The following NCALD variants were observed in gnomAD, a reference collection of about 807,000 sequenced individuals.
NCALD encodes neurocalcin delta.
Under a neutral mutation model 18.6 loss-of-function variants are expected in NCALD, and 10 were observed. That is an observed-to-expected ratio of 0.54 (90% CI 0.33 to 0.91). The LOEUF (loss-of-function observed/expected upper bound fraction) is 0.91. Ranked by LOEUF, NCALD falls within the 40% of genes least tolerant of loss-of-function variation. The pLI is 0.03. For missense variants in NCALD, 184 were observed against 247.6 expected, an observed-to-expected ratio of 0.74 and a Z score of 1.72; for synonymous variants, 88 against 87.4, an observed-to-expected ratio of 1.01 and a Z score of -0.04.
chr8:101,940,706 C>T (rs369497974), intron 2 of NCALD, among the ~76,000 whole-genome samples: 2 of 152,182 alleles, frequency 1.3e-5, no homozygotes, highest in East Asian at 3.9e-4. Flanking sequence ...TAGGTTTGGA[C>T]AAAAGACACT....
At chr8:102,032,381 A>G (rs1476377002) in intron 1 of NCALD, among the ~76,000 whole-genome samples, 5 of 152,068 alleles carry the variant, frequency 3.3e-5, no homozygotes, top group Admixed American at 2.0e-4. Flanking sequence ...TGCATATGAT[A>G]CTCCATTGTA....
At chr8:102,057,949 TTTAAAGTCCAC>T (rs1823712449) in intron 1 of NCALD, among the ~76,000 whole-genome samples, 2 of 152,214 alleles carry the variant, frequency 1.3e-5, no homozygotes, top group Non-Finnish European at 2.9e-5. Flanking sequence ...TTACAGTCAA[TTTAAAGTCCAC>T]TATTGCTCAG....
Position 102,041,491 on chromosome 8 carries a change from G to C in NCALD, c.-209-21202C>G, listed in dbSNP as rs559260549. 1.7e-3 allele frequency among the ~76,000 whole-genome samples: 253 copies of C among 152,362 alleles called. 1 individual carries two copies. Among genetic ancestry groups the C allele is most frequent in the Non-Finnish European group, 1.9e-3 (128 of 68,036 alleles). ...ATCTAAGGTGAACCAGAGGAGCTGA[G>C]ATGACCTGCCTTTTAAAACTCTGTG... is the stretch of plus-strand genomic sequence containing the variant. On this transcript the variant is annotated intron_variant, in intron 1 of 6. Coordinates refer to the NCALD transcript ENST00000311028.
intron 3 of NCALD, among the ~76,000 whole-genome samples, chr8:101,910,231 GC>G (rs1288703518): frequency 6.6e-6 from 1 of 152,264 alleles, no homozygotes; most frequent in Non-Finnish European, 1.5e-5. Context: ...TGTTTTGCTG[GC>G]CCCATCTCTG....
intron 2 of NCALD, among the ~76,000 whole-genome samples, chr8:101,995,441 G>T (rs1586891025): frequency 6.6e-6 from 1 of 152,138 alleles, no homozygotes; most frequent in South Asian, 2.1e-4. Context: ...GGTTCTGCAG[G>T]CTGTATAGGA....
chr8:102,110,032 T>C (rs998486836), intron 1 of NCALD, among the ~76,000 whole-genome samples: 1 of 152,232 alleles, frequency 6.6e-6, no homozygotes, highest in African/African-American at 2.4e-5. Context: ...TTTTATTGCA[T>C]ATATAATATT....
At chr8:101,716,966 C>A (rs2130408625) in intron 2 of NCALD, among the ~76,000 whole-genome samples, 1 of 152,344 alleles carries the variant, frequency 6.6e-6, no homozygotes, top group African/African-American at 2.4e-5. Flanking sequence ...GGAAAGGATT[C>A]TCCCCAACAG....
intron 4 of NCALD, among the ~76,000 whole-genome samples, chr8:101,852,300 T>C (rs184489730): frequency 6.6e-6 from 1 of 152,188 alleles, no homozygotes; most frequent in African/African-American, 2.4e-5. Flanking sequence ...CACTTCCTTA[T>C]TCTCCTAACA....
At chr8:101,849,432 TTTATAAGATAAAAATTACA>T (rs1172261020) in intron 4 of NCALD, among the ~76,000 whole-genome samples, 2 of 152,196 alleles carry the variant, frequency 1.3e-5, no homozygotes, top group African/African-American at 4.8e-5. Context: ...ACCTTGGTTA[TTTATAAGATAAAAATTACA>T]TGTTGATTCA....
intron 4 of NCALD, among the ~76,000 whole-genome samples, chr8:101,844,392 G>A (rs1814780586): frequency 1.3e-5 from 2 of 150,976 alleles, no homozygotes; most frequent in African/African-American, 4.9e-5. Flanking sequence ...TGAGGGTCTG[G>A]CTCTTTGATA....
intron 1 of NCALD, among the ~76,000 whole-genome samples, chr8:102,079,376 G>A (rs1019701223): frequency 2.6e-5 from 4 of 152,236 alleles, no homozygotes; most frequent in Non-Finnish European, 4.4e-5. Flanking sequence ...TATTTTCCCC[G>A]TTTTCTAGGG....
At chr8:101,768,197 T>G (rs1166601845) in intron 1 of NCALD, among the ~76,000 whole-genome samples, 1 of 152,186 alleles carries the variant, frequency 6.6e-6, no homozygotes, top group African/African-American at 2.4e-5. Flanking sequence ...ACATGTTACA[T>G]TTGCAAGACT....
intron 1 of NCALD, among the ~76,000 whole-genome samples, chr8:101,731,616 TAA>T (rs1444924970): frequency 6.6e-6 from 1 of 152,170 alleles, no homozygotes; most frequent in Non-Finnish European, 1.5e-5. Context: ...ACCCTGCTCT[TAA>T]AAGAGTGCAC....
At chr8:101,793,984 C>T (rs1023891053), upstream of NCALD, among the ~76,000 whole-genome samples, 6 of 152,118 alleles carry the variant, frequency 3.9e-5, no homozygotes, top group South Asian at 2.1e-4. Context: ...TCTGTCTTAA[C>T]GTTAATGGGC....
intron 2 of NCALD, among the ~76,000 whole-genome samples, chr8:102,018,918 T>G (rs1053879445): frequency 5.9e-5 from 9 of 151,920 alleles, no homozygotes; most frequent in Admixed American, 5.9e-4. Flanking sequence ...TATATGAAAT[T>G]CATAAAATAA....
At chr8:101,850,519 G>C (rs1478498619) in intron 4 of NCALD, among the ~76,000 whole-genome samples, 24 of 152,122 alleles carry the variant, frequency 1.6e-4, no homozygotes, top group Admixed American at 1.6e-3. Flanking sequence ...GAAAGAAAAG[G>C]ATCTGCAAAT....
At chr8:101,793,218 C>T (rs1194210262), upstream of NCALD, among the ~76,000 whole-genome samples, 13 of 151,946 alleles carry the variant, frequency 8.6e-5, no homozygotes, top group Non-Finnish European at 1.8e-4. Flanking sequence ...GGCATGGTGG[C>T]ACATGCCTGT....
chr8:101,730,466 C>T lies in NCALD; in HGVS notation c.-19-10818G>A, dbSNP rs141196788. 6.9e-3 allele frequency among the ~76,000 whole-genome samples: 771 copies of T among 112,304 alleles called. 10 individuals carry two copies. Among genetic ancestry groups the T allele is most frequent in the African/African-American group, 0.026 (707 of 26,936 alleles). The allele number at this position is 112,304 out of a possible 152,430, so 73.7% of individuals were successfully genotyped here. On this transcript the variant is annotated intron_variant, in intron 1 of 3. Coordinates refer to ENST00000220931, the MANE Select transcript of NCALD (RefSeq NM_032041.3). Reference sequence around the variant, plus strand: ...CTGCACTCCAGCCTGGGCAACAGAGCGAGACTCCATCTCAAAAAAAAAAAA... The same window carrying T: ...CTGCACTCCAGCCTGGGCAACAGAGTGAGACTCCATCTCAAAAAAAAAAAA...
At chr8:102,120,590 C>T (rs1055664483) in intron 1 of NCALD, among the ~76,000 whole-genome samples, 2 of 152,120 alleles carry the variant, frequency 1.3e-5, no homozygotes, top group Non-Finnish European at 2.9e-5. Flanking sequence ...AATGAGGTCC[C>T]GCTAACAATG....
Sources: allele counts gnomAD v4.1 joint callset (sites outside exome capture counted in the v4.1 genomes callset), GRCh38; gene constraint gnomAD v4.1.1; transcripts MANE v1.5; gene names NCBI Gene and HGNC (gene_info 2026-07-23, HGNC 2026-07-21).